OLAH: variants seen among roughly 807,000 people sequenced by gnomAD.
OLAH encodes S-acyl fatty acid synthase thioesterase, medium chain.
In OLAH, 33 loss-of-function variants were observed where a neutral mutation model predicts 27.8. The observed-to-expected ratio is 1.19, with a 90% CI of 0.90 to 1.59. The LOEUF (loss-of-function observed/expected upper bound fraction) is 1.59. Among genes scored for constraint, OLAH ranks in the 40% most tolerant of loss-of-function variants. The probability of loss-of-function intolerance (pLI) is 0.00; values close to 1 mark genes in which losing one functional copy is unlikely to be tolerated. For synonymous variants in OLAH, 120 were observed against 102.9 expected, an observed-to-expected ratio of 1.17 and a Z score of -1.01; for missense variants, 359 against 310.8, an observed-to-expected ratio of 1.16 and a Z score of -1.17.
rs919774456 is a variant in OLAH at position 15,047,806 on chromosome 10, A to AC, written c.32+493dup. On this transcript the variant is annotated intron_variant, in intron 2 of 7. Transcript: ENST00000378228. ...GTGAGTTTTTCTCCAGAAATTATCC[A>AC]CCCCCCCAAAAAAAGTTTTCGTTTG... Among the ~76,000 whole-genome samples the AC allele has an allele frequency of 5.9e-4, 89 of 151,864 alleles. 1 individual carries two copies. In the South Asian group the frequency reaches 0.014, roughly 24 times the overall value.
chr10:15,059,589 T>A (rs1844322493), intron 3 of OLAH, among the ~76,000 whole-genome samples: 1 of 152,094 alleles, frequency 6.6e-6, no homozygotes, highest in African/African-American at 2.4e-5. Flanking sequence ...GCAGATCACT[T>A]GAGGTCAGGA....
chr10:15,046,278 T>C (rs2131339503), intron 1 of OLAH, among the ~76,000 whole-genome samples: 1 of 149,446 alleles, frequency 6.7e-6, no homozygotes, highest in East Asian at 2.0e-4. Context: ...CTTGAGCCAC[T>C]GCACTCCAGC....
intron 3 of OLAH, among the ~76,000 whole-genome samples, chr10:15,052,227 G>A (rs1480345037): frequency 2.6e-5 from 4 of 152,230 alleles, no homozygotes; most frequent in South Asian, 2.1e-4. Flanking sequence ...AGATTGCTGC[G>A]AGCCGAGATC....
chr10:15,037,145 G>T (rs1843852769), intron 1 of OLAH, among the ~76,000 whole-genome samples: 1 of 149,132 alleles, frequency 6.7e-6, no homozygotes. Context: ...AACTACAATT[G>T]CACATAACAT....
upstream of OLAH, among the ~76,000 whole-genome samples, chr10:15,041,523 C>T (rs1218415556): frequency 3.3e-5 from 5 of 151,804 alleles, no homozygotes; most frequent in African/African-American, 1.2e-4. Context: ...GGTGATCCGC[C>T]TGCCTCGGCC....
At chr10:15,059,947 T>G (rs1168417660) in intron 3 of OLAH, among the ~76,000 whole-genome samples, 1 of 152,212 alleles carries the variant, frequency 6.6e-6, no homozygotes, top group African/African-American at 2.4e-5. Context: ...GTTTTCATTG[T>G]TTATTCTGTT....
chr10:15,033,211 T>C (rs1843787072), intron 1 of OLAH, among the ~76,000 whole-genome samples: 1 of 152,102 alleles, frequency 6.6e-6, no homozygotes, highest in South Asian at 2.1e-4. Context: ...GCAATTTTAC[T>C]TATTGTGGAT....
intron 3 of OLAH, among the ~76,000 whole-genome samples, chr10:15,050,671 G>A (rs1052802615): frequency 1.3e-5 from 2 of 150,840 alleles, no homozygotes; most frequent in African/African-American, 4.9e-5. Context: ...CTCCCAAGTA[G>A]CTGGAACTAC....
chr10:15,061,134 A>G (rs577067196), intron 3 of OLAH, among the ~76,000 whole-genome samples: 3 of 152,302 alleles, frequency 2.0e-5, no homozygotes, highest in Admixed American at 6.5e-5. Context: ...TAAACTTCAA[A>G]TTTGCATAAA....
At chr10:15,051,082 T>A (rs34324103) in intron 3 of OLAH, among the ~76,000 whole-genome samples, 4 of 143,320 alleles carry the variant, frequency 2.8e-5, no homozygotes, top group East Asian at 2.0e-4. Context: ...ATTATTATTT[T>A]TTTTTTTTTT....
chr10:15,034,090 G>A (rs1843800152), intron 1 of OLAH, among the ~76,000 whole-genome samples: 2 of 150,640 alleles, frequency 1.3e-5, no homozygotes, highest in African/African-American at 4.9e-5. Context: ...AGAGGAAAGG[G>A]CAGACTCCAC....
intron 2 of OLAH, among the ~76,000 whole-genome samples, chr10:15,048,228 C>G (rs4750591): frequency 6.6e-6 from 1 of 151,988 alleles, no homozygotes; most frequent in African/African-American, 2.4e-5. Flanking sequence ...TGTTTGTTTG[C>G]TTGTTTTGAG....
intron 3 of OLAH, among the ~76,000 whole-genome samples, chr10:15,053,638 T>A (rs1589244109): frequency 6.6e-6 from 1 of 152,110 alleles, no homozygotes; most frequent in Non-Finnish European, 1.5e-5. Flanking sequence ...AACAGGGCAC[T>A]TGATCTCTCA....
intron 1 of OLAH, among the ~76,000 whole-genome samples, chr10:15,034,314 G>T (rs1843807560): frequency 6.6e-6 from 1 of 151,914 alleles, no homozygotes; most frequent in Non-Finnish European, 1.5e-5. Context: ...TGTATTTTTA[G>T]TAGAGACGGG....
At chr10:15,055,126 G>A (rs537408726) in intron 3 of OLAH, among the ~76,000 whole-genome samples, 13 of 152,032 alleles carry the variant, frequency 8.6e-5, no homozygotes, top group East Asian at 3.9e-4. Flanking sequence ...CACCACGCCC[G>A]GCTAATTTTT....
At chr10:15,063,254 G>T (rs1844402936) in intron 4 of OLAH, among the ~76,000 whole-genome samples, 1 of 152,018 alleles carries the variant, frequency 6.6e-6, no homozygotes, top group Non-Finnish European at 1.5e-5. Flanking sequence ...AGCCTCCCAA[G>T]TAGCTGACTA....
chr10:15,052,756 T>C (rs11259450), intron 3 of OLAH, among the ~76,000 whole-genome samples: 44,566 of 131,812 alleles, frequency 0.34, 7,683 homozygotes, highest in East Asian at 0.49. Flanking sequence ...GGTGACAGAG[T>C]CTCACTCTGT....
intron 2 of OLAH, among the ~76,000 whole-genome samples, chr10:15,047,660 G>A (rs1202627030): frequency 1.3e-5 from 2 of 152,078 alleles, no homozygotes; most frequent in Admixed American, 6.6e-5. Flanking sequence ...AGACGAGATC[G>A]CGCCACTGCA....
intron 3 of OLAH, among the ~76,000 whole-genome samples, chr10:15,058,405 T>A (rs1322186234): frequency 6.6e-6 from 1 of 152,218 alleles, no homozygotes; most frequent in Non-Finnish European, 1.5e-5. Context: ...CCAAAACACA[T>A]CTTTAAATGA....
Sources: gnomAD v4.1 joint callset for allele counts (sites outside exome capture counted in the v4.1 genomes callset) on GRCh38, gnomAD v4.1.1 for gene constraint, MANE v1.5 for transcripts, NCBI Gene and HGNC (gene_info 2026-07-23, HGNC 2026-07-21) for gene names.